Variants in HCN1 observed in about 807,000 individuals in gnomAD.
The protein encoded by HCN1 is hyperpolarization activated cyclic nucleotide gated potassium channel 1, also known as potassium/sodium hyperpolarization-activated cyclic nucleotide-gated channel 1.
In HCN1, 13 loss-of-function variants were observed where a neutral mutation model predicts 78.9. The ratio of observed to expected loss-of-function variants is 0.16; its 90% CI spans 0.11 to 0.26. The LOEUF (loss-of-function observed/expected upper bound fraction) is 0.26. Among genes scored for constraint, HCN1 ranks in the 10% least tolerant of loss-of-function variants. The pLI is 1.00. For synonymous variants in HCN1, 552 were observed against 455.5 expected (o/e 1.21, Z -2.70); for missense variants, 810 against 1,154.3 (o/e 0.70, Z 4.32).
intron 2 of HCN1, among the ~76,000 whole-genome samples, chr5:45,549,485 C>CA (rs1743311416): frequency 6.6e-6 from 1 of 152,100 alleles, no homozygotes; most frequent in African/African-American, 2.4e-5. Flanking sequence ...ACACCTTATA[C>CA]AAAAATTAAT....
At chr5:45,500,618 A>G (rs944208588) in intron 2 of HCN1, among the ~76,000 whole-genome samples, 1 of 152,138 alleles carries the variant, frequency 6.6e-6, no homozygotes, top group African/African-American at 2.4e-5. Flanking sequence ...TATCTGTTTA[A>G]AATTGGAGTA....
intron 1 of HCN1, among the ~76,000 whole-genome samples, chr5:45,678,235 G>A (rs1273397762): frequency 1.3e-5 from 2 of 151,904 alleles, no homozygotes; most frequent in African/African-American, 4.8e-5. Context: ...CAAGAAACCA[G>A]AAGGAACAGT....
chr5:45,277,772 A>G (rs1171891414), intron 6 of HCN1, among the ~76,000 whole-genome samples: 1 of 152,158 alleles, frequency 6.6e-6, no homozygotes, highest in Non-Finnish European at 1.5e-5. Flanking sequence ...CCATACAACG[A>G]TCTGGCTGGA....
At chr5:45,469,519 T>A (rs576438975) in intron 2 of HCN1, among the ~76,000 whole-genome samples, 1 of 152,122 alleles carries the variant, frequency 6.6e-6, no homozygotes. Flanking sequence ...ACCACATATC[T>A]TATGATGGAT....
chr5:45,526,003 A>G (rs1015083115), intron 2 of HCN1, among the ~76,000 whole-genome samples: 1 of 151,952 alleles, frequency 6.6e-6, no homozygotes, highest in Non-Finnish European at 1.5e-5. Flanking sequence ...GAATACAGTG[A>G]GAAGTTGGCA....
At chr5:45,462,223 G>C (rs1247448587) in intron 2 of HCN1, among the ~76,000 whole-genome samples, 1 of 152,060 alleles carries the variant, frequency 6.6e-6, no homozygotes, top group African/African-American at 2.4e-5. Flanking sequence ...TGTCTCATGA[G>C]CAACAGAGAT....
intron 2 of HCN1, among the ~76,000 whole-genome samples, chr5:45,502,653 G>A (rs1039534765): frequency 3.3e-5 from 5 of 151,984 alleles, no homozygotes; most frequent in South Asian, 2.1e-4. Context: ...AATAATAGCA[G>A]CTACCTAATA....
chr5:45,372,185 A>G lies in HCN1; in HGVS notation c.1231-18939T>C, dbSNP rs1232237175. ...ATTATATATAATTATATTATAATATAATACAATTAATATAATACATATTAT... is the reference window on the plus strand; with the variant it reads ...ATTATATATAATTATATTATAATATGATACAATTAATATAATACATATTAT... On this transcript the variant is annotated intron_variant, in intron 4 of 7. Transcript: ENST00000303230. 4.8e-5 allele frequency among the ~76,000 whole-genome samples: 3 copies of G among 62,390 alleles called. 1 individual carries two copies. The highest frequency in any genetic ancestry group is 5.9e-4 in the Admixed American group (2 of 3,372). The allele number at this position is 62,390 out of a possible 152,430, so 40.9% of individuals were successfully genotyped here.
At chr5:45,330,267 T>C (rs1181795162) in intron 5 of HCN1, among the ~76,000 whole-genome samples, 1 of 151,300 alleles carries the variant, frequency 6.6e-6, no homozygotes. Context: ...TGGGGAGTTA[T>C]TAAATACTGG....
chr5:45,639,657 C>T (rs752917398), intron 2 of HCN1, among the ~76,000 whole-genome samples: 1 of 151,996 alleles, frequency 6.6e-6, no homozygotes, highest in South Asian at 2.1e-4. Context: ...TTTCATTAAC[C>T]GATACAAACA....
At chr5:45,317,970 C>G (rs919122582) in intron 5 of HCN1, among the ~76,000 whole-genome samples, 2 of 151,990 alleles carry the variant, frequency 1.3e-5, no homozygotes, top group Non-Finnish European at 2.9e-5. Context: ...GTTGGTGGGA[C>G]TGTAAACTAG....
At chr5:45,659,670 G>A (rs1232918396) in intron 1 of HCN1, among the ~76,000 whole-genome samples, 50 of 140,328 alleles carry the variant, frequency 3.6e-4, no homozygotes, top group Admixed American at 1.0e-3. Context: ...GAAGCCTCAG[G>A]AGCCGATGCA....
intron 2 of HCN1, among the ~76,000 whole-genome samples, chr5:45,579,394 A>C (rs1025340226): frequency 6.6e-6 from 1 of 152,022 alleles, no homozygotes; most frequent in Non-Finnish European, 1.5e-5. Context: ...ACAGCTCAAG[A>C]CCAATCTCCA....
chr5:45,333,598 G>A (rs891588013), intron 5 of HCN1, among the ~76,000 whole-genome samples: 60 of 151,668 alleles, frequency 4.0e-4, no homozygotes, highest in Non-Finnish European at 3.5e-4. Context: ...ATGATTTCTT[G>A]TAGTAGCTTT....
intron 1 of HCN1, among the ~76,000 whole-genome samples, chr5:45,664,891 C>T (rs1406536564): frequency 2.6e-5 from 4 of 151,918 alleles, no homozygotes; most frequent in Admixed American, 6.5e-5. Context: ...GTCAGTGTGG[C>T]GATTCCTCAG....
chr5:45,521,230 T>C (rs1742607913), intron 2 of HCN1, among the ~76,000 whole-genome samples: 1 of 151,916 alleles, frequency 6.6e-6, no homozygotes, highest in African/African-American at 2.4e-5. Context: ...ACAAAGGCTC[T>C]GAACTCCCTT....
At position 45,695,585 on chromosome 5, in the gene HCN1, C is replaced by G. The variant is rs1461264464; in HGVS notation, c.425+84G>C. ...ACCCCCCGCCCGCCCTCCTAGTCCC[C>G]GGGACGCCCCCCACCCAAGGGCGGG... On this transcript the variant is annotated intron_variant, in intron 1 of 7. Transcript: ENST00000303230. The G allele has an allele frequency of 3.6e-6, 5 of 1,390,740 alleles. No individual in the cohort carries two copies. In the South Asian group the frequency reaches 3.7e-5, roughly 10 times the overall value. The allele number at this position is 1,390,740 out of a possible 1,614,324, so 86.1% of individuals were successfully genotyped here. A position where few individuals can be genotyped will look rare whatever the true frequency, so the allele number is the denominator to read the frequency against.
At chr5:45,352,387 AG>A (rs2111982109) in intron 5 of HCN1, among the ~76,000 whole-genome samples, 1 of 144,872 alleles carries the variant, frequency 6.9e-6, no homozygotes, top group African/African-American at 2.6e-5. Context: ...CAGTGGGGGG[AG>A]GGGGAGGGAT....
chr5:45,553,057 T>C (rs1349228090), intron 2 of HCN1, among the ~76,000 whole-genome samples: 1 of 151,874 alleles, frequency 6.6e-6, no homozygotes, highest in Non-Finnish European at 1.5e-5. Flanking sequence ...ATGAAGGGGC[T>C]TTCCCTGAAC....
Sources: gnomAD v4.1 joint callset for allele counts (sites outside exome capture counted in the v4.1 genomes callset) on GRCh38, gnomAD v4.1.1 for gene constraint, MANE v1.5 for transcripts, NCBI Gene and HGNC (gene_info 2026-07-23, HGNC 2026-07-21) for gene names.